Variants in KPNB1 observed in about 807,000 individuals in gnomAD.
The protein encoded by KPNB1 is importin subunit beta-1.
A neutral mutation model predicts 113.0 loss-of-function variants in KPNB1; 7 were observed. The ratio of observed to expected loss-of-function variants is 0.06; its 90% CI spans 0.04 to 0.12. The LOEUF (loss-of-function observed/expected upper bound fraction) is 0.12. Ranked by LOEUF, KPNB1 falls within the 10% of genes least tolerant of loss-of-function variation. The probability of loss-of-function intolerance (pLI) is 1.00; values close to 1 mark genes in which losing one functional copy is unlikely to be tolerated. For missense variants in KPNB1, 400 were observed against 1,054.8 expected (o/e 0.38, Z 8.60); for synonymous variants, 363 against 378.6 (o/e 0.96, Z 0.48).
chr17:47,650,601 C>T (rs894140035), intron 2 of KPNB1, among the ~76,000 whole-genome samples, 157 bp downstream of exon 2: 29 of 148,112 alleles, frequency 2.0e-4, no homozygotes, highest in Non-Finnish European at 3.7e-4. Flanking sequence ...CCAACCTAAC[C>T]CCGCCATCGG....
chr17:47,650,515 C>G (rs1284414239), intron 2 of KPNB1, 71 bp downstream of exon 2: 8 of 1,437,438 alleles, frequency 5.6e-6, no homozygotes, highest in Non-Finnish European at 7.6e-6. Flanking sequence ...CCCGCCCTCC[C>G]GGAGGCCCAG....
chr17:47,667,122 G>T (rs930601790), intron 9 of KPNB1, among the ~76,000 whole-genome samples: 1 of 151,512 alleles, frequency 6.6e-6, no homozygotes, highest in Non-Finnish European at 1.5e-5. Context: ...TTGGTTTTTG[G>T]TTTTTTGGGG....
chr17:47,673,565 T>C lies in KPNB1; in HGVS notation c.1767+4T>C. On this transcript the variant is annotated splice_donor_region_variant and intron_variant, in intron 14 of 21. Coordinates refer to ENST00000290158, the MANE Select transcript of KPNB1 (RefSeq NM_002265.6). ...TTTACTCTGTGCAACTCTTCAGGTA[T>C]GGTGGTGCCTTATGACTTAATAACT... 1 of 1,604,568 alleles carries C rather than the reference T, an allele frequency of 6.2e-7. No homozygotes were observed. The highest frequency in any genetic ancestry group is 8.5e-7 in the Non-Finnish European group (1 of 1,171,326).
chr17:47,652,894 GT>G lies in KPNB1; in HGVS notation c.282+21del. The G allele has an allele frequency of 6.5e-7, 1 of 1,537,862 alleles. No individual in the cohort carries two copies. The highest frequency in any genetic ancestry group is 8.7e-7 in the Non-Finnish European group (1 of 1,144,782). On this transcript the variant is annotated intron_variant, in intron 3 of 21. Coordinates refer to ENST00000290158, the MANE Select transcript of KPNB1 (RefSeq NM_002265.6). ...AGAACTATGTGAGTAACGCTTATCT[GT>G]TTGGTTATATTGCCCAGAGAACAAG...
chr17:47,653,245 G>A (rs901388385), intron 3 of KPNB1, among the ~76,000 whole-genome samples: 2 of 149,310 alleles, frequency 1.3e-5, no homozygotes, highest in South Asian at 2.1e-4. Flanking sequence ...ATTCCGATTC[G>A]GTACTTCTGG....
rs145279930 is a variant in KPNB1, at chr17:47,674,715, C to T, written c.1845C>T (p.Phe615=). 19 of 1,614,030 alleles carry T rather than the reference C, an allele frequency of 1.2e-5. No homozygotes were observed. Among genetic ancestry groups the T allele is most frequent in the Non-Finnish European group, 1.5e-5 (18 of 1,180,010 alleles). Residue 615 remains phenylalanine, a synonymous_variant, in exon 15 of 22, where the codon TTC becomes TTT. Transcript: ENST00000290158. The stretch of plus-strand genomic sequence containing the variant: ...TTATGGCCTCCCTGTTAAGGATGTT[C>T]CAAAGCACAGCTGGGTCTGGGGGAG... ...DVVMASLLRM[F]QSTAGSGGVQ...
intron 21 of KPNB1, 100 bp downstream of exon 21, chr17:47,680,769 TTTTG>T: frequency 7.9e-7 from 1 of 1,264,838 alleles, no homozygotes; most frequent in Non-Finnish European, 1.1e-6. Flanking sequence ...CTGGCATTTT[TTTTG>T]TTTGTACTTT....
At chr17:47,671,040 G>A (rs1459760692) in intron 12 of KPNB1, among the ~76,000 whole-genome samples, 1 of 152,246 alleles carries the variant, frequency 6.6e-6, no homozygotes, top group Admixed American at 6.5e-5. Flanking sequence ...TGGATCACCT[G>A]AGGTCAGGAG....
At chr17:47,666,714 G>A (rs967540167) in intron 9 of KPNB1, among the ~76,000 whole-genome samples, 1 of 151,394 alleles carries the variant, frequency 6.6e-6, no homozygotes, top group Non-Finnish European at 1.5e-5. Flanking sequence ...CGCCTCCTGG[G>A]TTCAAGCGAT....
At chr17:47,670,875 A>G (rs556006908) in intron 12 of KPNB1, 43 bp downstream of exon 12, 3 of 1,553,622 alleles carry the variant, frequency 1.9e-6, no homozygotes, top group South Asian at 2.2e-5. Context: ...TTTGCATCCA[A>G]GTTCTATTGC....
In KPNB1 at chr17:47,649,947, A is replaced by C. The variant is rs1446697254; in HGVS notation, c.-298A>C. 6 of 1,298,396 alleles carry C rather than the reference A, an allele frequency of 4.6e-6. No individual in the cohort carries two copies. The highest frequency in any genetic ancestry group is 5.8e-6 in the Non-Finnish European group (6 of 1,025,808). 80.4% of individuals were successfully genotyped at this position (1,298,396 alleles called of 1,614,324 possible). On this transcript the variant is annotated 5_prime_UTR_variant, in exon 1 of 22. Transcript: ENST00000290158. ...TCCCTGCGCGCCGCCTCTCACTCAC[A>C]GCCTCCCTTCCTTCTTTCTCCCTCC...
chr17:47,652,100 G>A (rs1012952991), intron 2 of KPNB1, among the ~76,000 whole-genome samples: 1 of 152,086 alleles, frequency 6.6e-6, no homozygotes, highest in African/African-American at 2.4e-5. Flanking sequence ...ATAAAACGGA[G>A]GATGAGGCTC....
chr17:47,675,361 G>GTTTTTGTTTTTTTTTTTTTTTTTT lies in KPNB1; in HGVS notation c.1912+584_1912+585insGTTTTTTTTTTTTTTTTTTTTTTT, dbSNP rs2030568124. Among the ~76,000 whole-genome samples, 9 of 88,694 alleles carry GTTTTTGTTTTTTTTTTTTTTTTTT rather than the reference G, an allele frequency of 1.0e-4. 1 individual carries two copies. Among genetic ancestry groups the GTTTTTGTTTTTTTTTTTTTTTTTT allele is most frequent in the East Asian group, 8.7e-4 (3 of 3,440 alleles). 58.2% of individuals were successfully genotyped at this position (88,694 alleles called of 152,430 possible). Reference sequence around the variant, plus strand: ...TGCAACGGAGATTGGCAGAGGTGTTGTTTTTTTTTTGTTTTTTTTTTTTGT... The same window carrying GTTTTTGTTTTTTTTTTTTTTTTTT: ...TGCAACGGAGATTGGCAGAGGTGTTGTTTTTGTTTTTTTTTTTTTTTTTTTTTTTTTTTTGTTTTTTTTTTTTGT... On this transcript the variant is annotated intron_variant, in intron 15 of 21. Coordinates refer to ENST00000290158, the MANE Select transcript of KPNB1 (RefSeq NM_002265.6).
At position 47,650,127 on chromosome 17, in the gene KPNB1, G is replaced by GCCCCCCCCC; in HGVS notation, c.-112_-111insCCCCCCCCC. On this transcript the variant is annotated 5_prime_UTR_variant, in exon 1 of 22. Transcript: ENST00000290158. Reference sequence around the variant, plus strand: ...GGTGAATGGGTTTGTGGTGACCCCCGCCCCCCACCCCACCCTCCCTTCCCA... The same window carrying GCCCCCCCCC: ...GGTGAATGGGTTTGTGGTGACCCCCGCCCCCCCCCCCCCCCACCCCACCCTCCCTTCCCA... 1 of 686,060 alleles carries GCCCCCCCCC rather than the reference G, an allele frequency of 1.5e-6. No individual in the cohort carries two copies. Among genetic ancestry groups the GCCCCCCCCC allele is most frequent in the Non-Finnish European group, 1.7e-6 (1 of 580,152 alleles). The allele number at this position is 686,060 out of a possible 1,614,324, so 42.5% of individuals were successfully genotyped here. A position where few individuals can be genotyped will look rare whatever the true frequency, so the allele number is the denominator to read the frequency against.
intron 10 of KPNB1, 136 bp from the exon 11 acceptor site, chr17:47,669,542 A>G (rs901149278): frequency 4.8e-5 from 29 of 601,848 alleles, no homozygotes; most frequent in Non-Finnish European, 7.5e-5. Flanking sequence ...GTTTCACACC[A>G]TGTCCTGTAA....
intron 16 of KPNB1, 92 bp downstream of exon 16, chr17:47,676,583 T>C (rs1567894787): frequency 2.2e-6 from 2 of 923,936 alleles, no homozygotes; most frequent in Non-Finnish European, 3.5e-6. Flanking sequence ...CTTAAGTAGT[T>C]TTTCCTGATA....
chr17:47,676,342 G>C, intron 15 of KPNB1, 67 bp from the exon 16 acceptor site: 1 of 1,145,850 alleles, frequency 8.7e-7, no homozygotes, highest in South Asian at 1.2e-5. Flanking sequence ...GGTAGGATGG[G>C]TTATTTCTGC....
intron 21 of KPNB1, among the ~76,000 whole-genome samples, chr17:47,681,686 G>GTTTGTTTTTTTTTTTT (rs1567896578): frequency 3.1e-5 from 3 of 96,030 alleles, no homozygotes; most frequent in Non-Finnish European, 1.9e-5. Context: ...GGAATTATAG[G>GTTTGTTTTTTTTTTTT]TTTTTTTTTT....
chr17:47,679,731 C>T, intron 19 of KPNB1: 1 of 215,208 alleles, frequency 4.6e-6, no homozygotes, highest in East Asian at 1.1e-4. Context: ...GAATCTTGCT[C>T]TGTCGCCTAG....
Sources: gnomAD v4.1 joint callset for allele counts (sites outside exome capture counted in the v4.1 genomes callset) on GRCh38, gnomAD v4.1.1 for gene constraint, MANE v1.5 for transcripts, NCBI Gene and HGNC (gene_info 2026-07-23, HGNC 2026-07-21) for gene names.